Variants in NBEA observed in about 807,000 individuals in gnomAD.
NBEA encodes the protein lysosomal-trafficking regulator 2.
A neutral mutation model predicts 343.4 loss-of-function variants in NBEA; 44 were observed. The ratio of observed to expected loss-of-function variants is 0.13; its 90% confidence interval spans 0.10 to 0.16. NBEA has a LOEUF of 0.16. Among genes scored for constraint, NBEA ranks in the 10% least tolerant of loss-of-function variants. NBEA has a pLI of 1.00. For synonymous variants in NBEA, 1,175 were observed against 1,238.7 expected, an observed-to-expected ratio of 0.95 and a Z score of 1.08; for missense variants, 2,555 against 3,631.3, an observed-to-expected ratio of 0.70 and a Z score of 7.62.
intron 34 of NBEA, among the ~76,000 whole-genome samples, chr13:35,277,864 A>G (rs2034736873): frequency 6.6e-6 from 1 of 151,376 alleles, no homozygotes; most frequent in Non-Finnish European, 1.5e-5. Flanking sequence ...AGGCAGGCAG[A>G]TCACTTGAGG....
At chr13:35,424,499 G>C (rs537626896) in intron 38 of NBEA, among the ~76,000 whole-genome samples, 27 of 152,062 alleles carry the variant, frequency 1.8e-4, no homozygotes, top group Non-Finnish European at 1.5e-4. Context: ...GGGATGAAGC[G>C]CACTTGATCA....
At chr13:35,546,369 G>A (rs558601541) in intron 41 of NBEA, among the ~76,000 whole-genome samples, 4 of 151,964 alleles carry the variant, frequency 2.6e-5, no homozygotes, top group Admixed American at 6.6e-5. Context: ...GAAGGCTGAG[G>A]TGGGAGAATC....
At chr13:35,583,683 T>G (rs1193659237) in intron 45 of NBEA, among the ~76,000 whole-genome samples, 1 of 152,184 alleles carries the variant, frequency 6.6e-6, no homozygotes, top group African/African-American at 2.4e-5. Flanking sequence ...CTAGATACTT[T>G]GTACTATGAA....
At chr13:35,644,288 G>T (rs1444886490) in intron 49 of NBEA, among the ~76,000 whole-genome samples, 1 of 152,284 alleles carries the variant, frequency 6.6e-6, no homozygotes, top group East Asian at 1.9e-4. Context: ...CCTGATTGGG[G>T]AACTCTTTTA....
intron 35 of NBEA, among the ~76,000 whole-genome samples, chr13:35,296,111 C>A (rs191401563): frequency 1.1e-3 from 172 of 152,108 alleles, no homozygotes; most frequent in Non-Finnish European, 1.9e-3. Flanking sequence ...ATAAACTAAG[C>A]CTGATCGCGG....
chr13:35,201,804 C>T (rs2073040887), intron 31 of NBEA, among the ~76,000 whole-genome samples: 1 of 151,958 alleles, frequency 6.6e-6, no homozygotes, highest in Non-Finnish European at 1.5e-5. Context: ...GATTTGAATC[C>T]CAGAAAAGGT....
chr13:35,411,129 T>G (rs1283953598), intron 38 of NBEA, among the ~76,000 whole-genome samples: 1 of 152,162 alleles, frequency 6.6e-6, no homozygotes, highest in Non-Finnish European at 1.5e-5. Flanking sequence ...GTTTTTAGGA[T>G]AGTTAAGTTT....
chr13:35,251,167 G>T, intron 34 of NBEA: 1 of 254,762 alleles, frequency 3.9e-6, no homozygotes, highest in Non-Finnish European at 7.8e-6. Flanking sequence ...TCTGTGGAGT[G>T]TGGGACATTG....
chr13:35,501,502 T>C (rs1344522376), intron 41 of NBEA, among the ~76,000 whole-genome samples: 1 of 152,120 alleles, frequency 6.6e-6, no homozygotes, highest in African/African-American at 2.4e-5. Flanking sequence ...AGCTGTAGTT[T>C]TATAAAGTCT....
chr13:35,417,934 T>C (rs562295998), intron 38 of NBEA, among the ~76,000 whole-genome samples: 1 of 152,282 alleles, frequency 6.6e-6, no homozygotes, highest in Admixed American at 6.5e-5. Context: ...TTGGATGCAG[T>C]GCATATATAT....
chr13:35,505,784 T>C (rs2077051079), intron 41 of NBEA, among the ~76,000 whole-genome samples: 1 of 152,144 alleles, frequency 6.6e-6, no homozygotes, highest in South Asian at 2.1e-4. Context: ...ATTTTAAAAG[T>C]TCTTTGTGTT....
chr13:35,624,511 T>C (rs550208888), intron 48 of NBEA, among the ~76,000 whole-genome samples: 1 of 152,210 alleles, frequency 6.6e-6, no homozygotes, highest in Non-Finnish European at 1.5e-5. Context: ...TATAAATTGA[T>C]TGGCATTCCA....
chr13:35,397,373 A>C (rs1476729958), intron 38 of NBEA, among the ~76,000 whole-genome samples: 1 of 152,176 alleles, frequency 6.6e-6, no homozygotes, highest in African/African-American at 2.4e-5. Flanking sequence ...GGCTTTCCCC[A>C]ACCATACTGT....
chr13:35,542,427 TG>T (rs1249925829), intron 41 of NBEA, among the ~76,000 whole-genome samples: 1 of 152,192 alleles, frequency 6.6e-6, no homozygotes, highest in African/African-American at 2.4e-5. Context: ...TTTTATGGAG[TG>T]ACTTGGTTCT....
rs1017016260 is a variant in NBEA, at chr13:35,032,034, T to C, written c.295-8899T>C. On this transcript the variant is annotated intron_variant, in intron 1 of 58. Coordinates refer to ENST00000379939, the MANE Select transcript of NBEA (RefSeq NM_001385012.1). ...CATCTGGTATATGTACCACATTTTCTTTATCCATTCTGTCATTGATGGGCA... is the reference window on the plus strand; with the variant it reads ...CATCTGGTATATGTACCACATTTTCCTTATCCATTCTGTCATTGATGGGCA... Among the ~76,000 whole-genome samples the C allele has an allele frequency of 5.9e-5, 9 of 151,872 alleles. No homozygotes were observed. In the South Asian group the frequency reaches 6.2e-4, roughly 10 times the overall value.
At chr13:35,564,633 T>A (rs1034537430) in intron 44 of NBEA, among the ~76,000 whole-genome samples, 1 of 152,208 alleles carries the variant, frequency 6.6e-6, no homozygotes, top group Admixed American at 6.5e-5. Flanking sequence ...GTCAAAAGAC[T>A]TTAATATGGC....
chr13:35,043,956 G>A (rs1439097506), intron 2 of NBEA, among the ~76,000 whole-genome samples: 1 of 151,948 alleles, frequency 6.6e-6, no homozygotes, highest in African/African-American at 2.4e-5. Context: ...TCATTCTTAA[G>A]AAGTGCTTTA....
At chr13:35,597,635 A>G (rs1262623732) in intron 47 of NBEA, among the ~76,000 whole-genome samples, 1 of 152,186 alleles carries the variant, frequency 6.6e-6, no homozygotes, top group Non-Finnish European at 1.5e-5. Context: ...AAGGAGGTTC[A>G]TGAATATTAA....
intron 41 of NBEA, among the ~76,000 whole-genome samples, chr13:35,501,114 C>T (rs575485617): frequency 6.6e-6 from 1 of 152,146 alleles, no homozygotes; most frequent in South Asian, 2.1e-4. Flanking sequence ...TTCATTGTTC[C>T]TTTCTTACCT....
Sources: allele counts gnomAD v4.1 joint callset (sites outside exome capture counted in the v4.1 genomes callset), GRCh38; gene constraint gnomAD v4.1.1; transcripts MANE v1.5; gene names NCBI Gene and HGNC (gene_info 2026-07-23, HGNC 2026-07-21).